The following RFX3 variants were observed in gnomAD, a reference collection of about 807,000 sequenced individuals.
RFX3 encodes transcription factor RFX3.
Under a neutral mutation model 98.6 loss-of-function variants are expected in RFX3, and 14 were observed. The ratio of observed to expected loss-of-function variants is 0.14; its 90% CI spans 0.09 to 0.22. The LOEUF (loss-of-function observed/expected upper bound fraction) is 0.22. Among genes scored for constraint, RFX3 ranks in the 10% least tolerant of loss-of-function variants. The pLI is 1.00. For missense variants in RFX3, 639 were observed against 926.9 expected, an observed-to-expected ratio of 0.69 and a Z score of 4.03; for synonymous variants, 383 against 328.4, an observed-to-expected ratio of 1.17 and a Z score of -1.80.
intron 15 of RFX3, among the ~76,000 whole-genome samples, chr9:3,231,834 C>T (rs569340906): frequency 1.6e-4 from 24 of 152,054 alleles, no homozygotes; most frequent in South Asian, 4.2e-4. Context: ...GAGGCTGAGG[C>T]GGGTGGATCA....
chr9:3,310,104 T>C (rs2130421487), intron 4 of RFX3, among the ~76,000 whole-genome samples: 1 of 152,272 alleles, frequency 6.6e-6, no homozygotes, highest in Non-Finnish European at 1.5e-5. Flanking sequence ...GTACAAGTAA[T>C]CGAGACTGGC....
intron 1 of RFX3, among the ~76,000 whole-genome samples, chr9:3,448,869 A>G (rs953315036): frequency 2.6e-5 from 4 of 152,140 alleles, no homozygotes; most frequent in Non-Finnish European, 5.9e-5. Context: ...TAAATGTAAC[A>G]ATTTTCAACT....
At chr9:3,361,559 C>T (rs916313665) in intron 2 of RFX3, among the ~76,000 whole-genome samples, 12 of 147,850 alleles carry the variant, frequency 8.1e-5, no homozygotes, top group East Asian at 4.0e-4. Context: ...TGGGAGGCTA[C>T]GGTATTCATT....
intron 1 of RFX3, among the ~76,000 whole-genome samples, chr9:3,501,317 C>A (rs573319793): frequency 1.4e-4 from 22 of 151,998 alleles, no homozygotes; most frequent in Admixed American, 1.4e-3. Flanking sequence ...ATTGTAAATT[C>A]TTTGATATAT....
chr9:3,480,334 C>A (rs564612542), intron 1 of RFX3, among the ~76,000 whole-genome samples: 2 of 152,210 alleles, frequency 1.3e-5, no homozygotes, highest in Non-Finnish European at 2.9e-5. Context: ...CTGGGTCTCT[C>A]TAGGAGAACG....
intron 4 of RFX3, among the ~76,000 whole-genome samples, chr9:3,314,716 G>T (rs1313629401): frequency 5.3e-5 from 8 of 152,018 alleles, no homozygotes; most frequent in Non-Finnish European, 8.8e-5. Flanking sequence ...AAAAGCAGGG[G>T]TTGCAATTCT....
intron 4 of RFX3, among the ~76,000 whole-genome samples, chr9:3,320,630 A>G (rs1831158104): frequency 7.0e-6 from 1 of 143,772 alleles, no homozygotes; most frequent in Non-Finnish European, 1.5e-5. Context: ...TTCTATTTAC[A>G]CACACACACA....
rs149269737 is a variant in RFX3 at position 3,263,079 on chromosome 9, G to A, written c.1461C>T (p.Ala487=). Residue 487 remains alanine (A), a synonymous_variant, in exon 13 of 17, where the codon GCC becomes GCT. Coordinates refer to ENST00000617270, the MANE Select transcript of RFX3 (RefSeq NM_001282116.2). ...IPQRMIQTKV[A]AVSAFAQTLR... is the part of the protein sequence containing the mutation. The stretch of plus-strand genomic sequence containing the variant: ...GAGTCTGGGCAAAGGCACTTACAGC[G>A]GCAACCTGTAACGCAATCCAATTAA... The A allele has an allele frequency of 2.3e-5, 37 of 1,613,430 alleles. No individual in the cohort carries two copies. Among genetic ancestry groups the A allele is most frequent in the African/African-American group, 6.7e-5 (5 of 74,974 alleles).
chr9:3,388,219 T>C (rs1416259689), intron 2 of RFX3, among the ~76,000 whole-genome samples: 1 of 152,098 alleles, frequency 6.6e-6, no homozygotes, highest in Non-Finnish European at 1.5e-5. Context: ...CTAAGAAGTA[T>C]TCATATTACA....
intron 2 of RFX3, among the ~76,000 whole-genome samples, chr9:3,391,427 A>C (rs1444496435): frequency 6.6e-6 from 1 of 152,210 alleles, no homozygotes; most frequent in Non-Finnish European, 1.5e-5. Context: ...CACAACAAAA[A>C]ACTGCGTGAA....
intron 2 of RFX3, among the ~76,000 whole-genome samples, chr9:3,352,115 G>C (rs1835208447): frequency 6.6e-6 from 1 of 151,910 alleles, no homozygotes; most frequent in Non-Finnish European, 1.5e-5. Flanking sequence ...ATGTATTTTA[G>C]GCAAGATTGC....
chr9:3,503,803 T>C (rs534082353), intron 1 of RFX3, among the ~76,000 whole-genome samples: 219 of 152,180 alleles, frequency 1.4e-3, no homozygotes, highest in African/African-American at 5.2e-3. Flanking sequence ...TTGTTTCATA[T>C]AAAACACTGA....
At chr9:3,364,215 C>A (rs1836789831) in intron 2 of RFX3, 1 of 155,972 alleles carries the variant, frequency 6.4e-6, no homozygotes, top group African/African-American at 2.4e-5. Context: ...TTTTCAAGGA[C>A]AAGGTCTCAG....
chr9:3,366,693 C>CCTTTCTTTCTTTCTTTCTTTCTTTT (rs1837146016), intron 2 of RFX3, among the ~76,000 whole-genome samples: 1 of 85,452 alleles, frequency 1.2e-5, no homozygotes, highest in Admixed American at 1.3e-4. Context: ...TTCTTTCTTT[C>CCTTTCTTTCTTTCTTTCTTTCTTTT]CTTTCTTTCT....
chr9:3,515,473 G>A (rs116826734), intron 1 of RFX3, among the ~76,000 whole-genome samples: 2,263 of 152,018 alleles, frequency 0.015, 47 homozygotes, highest in African/African-American at 0.052. Context: ...ACCTCCCTAC[G>A]CCCCGTAAGT....
chr9:3,441,104 C>A (rs759018177), intron 1 of RFX3, among the ~76,000 whole-genome samples: 12 of 152,170 alleles, frequency 7.9e-5, no homozygotes, highest in Non-Finnish European at 1.3e-4. Flanking sequence ...TATAGGCTAA[C>A]AACTCTGAAG....
chr9:3,321,812 G>C (rs1831354146), intron 4 of RFX3, among the ~76,000 whole-genome samples: 1 of 151,942 alleles, frequency 6.6e-6, no homozygotes, highest in African/African-American at 2.4e-5. Context: ...TTGATATAAA[G>C]ACTAATATAT....
At chr9:3,247,753 T>C in intron 15 of RFX3, 1 of 1,561,882 alleles carries the variant, frequency 6.4e-7, no homozygotes, top group Non-Finnish European at 8.6e-7. Context: ...CATATTCCAG[T>C]GGTTCTCAAG....
intron 2 of RFX3, among the ~76,000 whole-genome samples, chr9:3,383,070 C>G (rs1385001634): frequency 2.6e-5 from 4 of 152,002 alleles, no homozygotes; most frequent in African/African-American, 7.2e-5. Context: ...ACTTCAGATT[C>G]CTAGAAAAAT....
Sources: gnomAD v4.1 joint callset for allele counts (sites outside exome capture counted in the v4.1 genomes callset) on GRCh38, gnomAD v4.1.1 for gene constraint, MANE v1.5 for transcripts, NCBI Gene and HGNC (gene_info 2026-07-23, HGNC 2026-07-21) for gene names.